The following DTNA variants were observed in gnomAD, a reference collection of about 807,000 sequenced individuals.
DTNA encodes dystrophin-related protein 3.
Under a neutral mutation model 100.7 loss-of-function variants are expected in DTNA, and 43 were observed. The ratio of observed to expected loss-of-function variants is 0.43; its 90% CI spans 0.33 to 0.55. The LOEUF (loss-of-function observed/expected upper bound fraction) is 0.55. Among genes scored for constraint, DTNA ranks in the 20% least tolerant of loss-of-function variants. DTNA has a pLI of 0.04. For missense variants in DTNA, 798 were observed against 953.9 expected (o/e 0.84, Z 2.15); for synonymous variants, 349 against 347.9 (o/e 1.00, Z -0.04).
At chr18:34,869,804 A>G (rs1038795027) in intron 17 of DTNA, among the ~76,000 whole-genome samples, 5 of 152,176 alleles carry the variant, frequency 3.3e-5, no homozygotes, top group African/African-American at 1.2e-4. Flanking sequence ...GGCAGATCAC[A>G]AGGTCAGGAG....
At chr18:34,695,962 C>G (rs776536016) in intron 1 of DTNA, among the ~76,000 whole-genome samples, 1 of 152,084 alleles carries the variant, frequency 6.6e-6, no homozygotes, top group Non-Finnish European at 1.5e-5. Context: ...TTTTCAAAGG[C>G]TCTTGCTTTA....
At chr18:34,727,017 C>G (rs1445305726) in intron 1 of DTNA, among the ~76,000 whole-genome samples, 2 of 152,236 alleles carry the variant, frequency 1.3e-5, no homozygotes, top group Non-Finnish European at 1.5e-5. Flanking sequence ...CTTGTGCATT[C>G]TGTGTGCCTG....
At chr18:34,607,713 A>G (rs1398141413) in intron 1 of DTNA, among the ~76,000 whole-genome samples, 2 of 152,308 alleles carry the variant, frequency 1.3e-5, no homozygotes, top group South Asian at 4.1e-4. Context: ...ATTTCTTCTC[A>G]TGACCTCTTG....
At chr18:34,584,755 T>C (rs1372404922) in intron 1 of DTNA, among the ~76,000 whole-genome samples, 1 of 152,180 alleles carries the variant, frequency 6.6e-6, no homozygotes, top group Non-Finnish European at 1.5e-5. Flanking sequence ...AATGTGCTGT[T>C]ATGAGACAAT....
chr18:34,512,561 G>T (rs749299614), intron 1 of DTNA, among the ~76,000 whole-genome samples: 1 of 152,020 alleles, frequency 6.6e-6, no homozygotes, highest in Non-Finnish European at 1.5e-5. Flanking sequence ...GGTGAATCCA[G>T]CAGATGGATG....
At chr18:34,834,381 T>A (rs145834127) in intron 11 of DTNA, among the ~76,000 whole-genome samples, 4,998 of 151,746 alleles carry the variant, frequency 0.033, 134 homozygotes, top group Non-Finnish European at 0.044. Context: ...TGGGTGCCTG[T>A]AATCCCAGCT....
rs2076818753 is a variant in DTNA at position 34,671,980 on chromosome 18, A to G, written c.-1-83996A>G. ...GTAACTACAAATATGGCTTTTTAAA[A>G]GCTAGTTAGACTAACCTTTGACACA... On this transcript the variant is annotated intron_variant, in intron 1 of 19. Transcript: ENST00000283365. 2.0e-5 allele frequency among the ~76,000 whole-genome samples: 3 copies of G among 152,224 alleles called. No homozygotes were observed. The South Asian group carries it at 6.2e-4, about 32-fold the overall frequency.
intron 1 of DTNA, among the ~76,000 whole-genome samples, chr18:34,511,850 C>T (rs1426874366): frequency 3.3e-5 from 5 of 151,892 alleles, no homozygotes; most frequent in African/African-American, 7.2e-5. Flanking sequence ...GGTGAGTATG[C>T]GTGTATCAGT....
At chr18:34,692,164 AG>A (rs2079864325) in intron 1 of DTNA, among the ~76,000 whole-genome samples, 3 of 152,120 alleles carry the variant, frequency 2.0e-5, no homozygotes, top group Non-Finnish European at 4.4e-5. Context: ...TGAACTAGGG[AG>A]GGTCATATTT....
At chr18:34,798,564 G>A (rs997345557) in intron 4 of DTNA, among the ~76,000 whole-genome samples, 3 of 152,126 alleles carry the variant, frequency 2.0e-5, no homozygotes, top group African/African-American at 7.2e-5. Flanking sequence ...CAATTCAGTA[G>A]TATCTTCTTT....
At chr18:34,641,782 G>A (rs896353774) in intron 1 of DTNA, among the ~76,000 whole-genome samples, 14 of 152,122 alleles carry the variant, frequency 9.2e-5, no homozygotes, top group African/African-American at 2.9e-4. Flanking sequence ...GTTGATATAA[G>A]GACTTCAGCT....
intron 1 of DTNA, among the ~76,000 whole-genome samples, chr18:34,628,008 C>T (rs2057565336): frequency 6.6e-6 from 1 of 152,098 alleles, no homozygotes; most frequent in South Asian, 2.1e-4. Flanking sequence ...CTAGGCTGGT[C>T]TCCATCTGCT....
intron 1 of DTNA, among the ~76,000 whole-genome samples, chr18:34,569,190 T>C (rs903564554): frequency 6.6e-6 from 1 of 152,016 alleles, no homozygotes; most frequent in Non-Finnish European, 1.5e-5. Flanking sequence ...GACATTTTTG[T>C]GTGTAGAAAT....
chr18:34,879,930 CCTAAA>C (rs2096855933), intron 20 of DTNA, among the ~76,000 whole-genome samples: 1 of 152,074 alleles, frequency 6.6e-6, no homozygotes, highest in Admixed American at 6.6e-5. Flanking sequence ...TTATCAATAA[CCTAAA>C]CCAACCAGTG....
chr18:34,666,798 A>G (rs2075996131), intron 1 of DTNA, among the ~76,000 whole-genome samples: 1 of 152,170 alleles, frequency 6.6e-6, no homozygotes, highest in Admixed American at 6.5e-5. Context: ...TTTTGGTACC[A>G]GTACCATGCT....
At chr18:34,745,219 A>G (rs928966071) in intron 1 of DTNA, among the ~76,000 whole-genome samples, 1 of 151,596 alleles carries the variant, frequency 6.6e-6, no homozygotes, top group African/African-American at 2.4e-5. Flanking sequence ...CCCCTTCCCA[A>G]CTCTCCAAAC....
intron 1 of DTNA, among the ~76,000 whole-genome samples, chr18:34,622,906 T>A (rs1318841198): frequency 6.6e-6 from 1 of 152,162 alleles, no homozygotes; most frequent in East Asian, 1.9e-4. Flanking sequence ...TCAGCCTCCA[T>A]AATAATGCCG....
At chr18:34,747,104 C>CTATCTATATATATATATATA (rs1041438583) in intron 1 of DTNA, among the ~76,000 whole-genome samples, 1 of 148,228 alleles carries the variant, frequency 6.7e-6, no homozygotes, top group African/African-American at 2.5e-5. Flanking sequence ...ATATCTGTAT[C>CTATCTATATATATATATATA]TATATATATA....
intron 1 of DTNA, among the ~76,000 whole-genome samples, chr18:34,531,729 C>A (rs941567176): frequency 6.6e-6 from 1 of 152,096 alleles, no homozygotes. Flanking sequence ...ATTCTCTGTC[C>A]ACTCAGGCAG....
Sources: allele counts gnomAD v4.1 joint callset (sites outside exome capture counted in the v4.1 genomes callset), GRCh38; gene constraint gnomAD v4.1.1; transcripts MANE v1.5; gene names NCBI Gene and HGNC (gene_info 2026-07-23, HGNC 2026-07-21).